HS6ST2: variants seen among roughly 807,000 people sequenced by gnomAD.
HS6ST2 encodes heparan-sulfate 6-O-sulfotransferase 2.
Under a neutral mutation model 33.0 loss-of-function variants are expected in HS6ST2, and 17 were observed. The observed-to-expected ratio is 0.52, with a 90% CI of 0.35 to 0.77. The LOEUF (loss-of-function observed/expected upper bound fraction) is 0.77, where lower values mean the gene tolerates loss of function less well. HS6ST2 is among the 30% of genes least tolerant of loss of function. The pLI is 0.01. For missense variants in HS6ST2, 519 were observed against 551.7 expected (o/e 0.94, Z 0.59); for synonymous variants, 248 against 237.1 (o/e 1.05, Z -0.42).
intron 4 of HS6ST2, among the ~76,000 whole-genome samples, chrX:132,637,799 ATAT>A (rs1394174416): frequency 1.8e-4 from 8 of 44,703 alleles, no homozygotes; most frequent in Admixed American, 9.6e-4. Flanking sequence ...TATATATATA[ATAT>A]TATATATTAT....
chrX:132,860,110 G>C lies in HS6ST2; in HGVS notation c.947+96698C>G, dbSNP rs142623149. 1.9e-3 allele frequency among the ~76,000 whole-genome samples: 213 copies of C among 111,712 alleles called. 1 individual carries two copies. Among genetic ancestry groups the C allele is most frequent in the African/African-American group, 6.4e-3 (197 of 30,787 alleles). ...CTGTATCAGGCATCTGCGCATGTGT[G>C]GGGGACACGGTGGGTAATTTGTTGA... On this transcript the variant is annotated intron_variant, in intron 2 of 4. Transcript: ENST00000370833.
At chrX:132,929,075 T>C (rs972733964) in intron 2 of HS6ST2, among the ~76,000 whole-genome samples, 2 of 110,289 alleles carry the variant, frequency 1.8e-5, no homozygotes, top group Non-Finnish European at 3.8e-5. Flanking sequence ...GATAAAAATA[T>C]ATGGACTTTG....
intron 4 of HS6ST2, among the ~76,000 whole-genome samples, chrX:132,652,653 A>G (rs1000571362): frequency 4.5e-5 from 5 of 111,705 alleles, no homozygotes; most frequent in African/African-American, 1.6e-4. Context: ...TTCATTTAAT[A>G]CAAAGATTAT....
chrX:132,888,759 C>T (rs2066277309), intron 2 of HS6ST2, among the ~76,000 whole-genome samples: 1 of 111,303 alleles, frequency 9.0e-6, no homozygotes, highest in African/African-American at 3.3e-5. Flanking sequence ...CCTCCTTGGC[C>T]TCCCAAAGCG....
chrX:132,811,300 AC>A (rs1274464151), intron 2 of HS6ST2, among the ~76,000 whole-genome samples: 14 of 110,030 alleles, frequency 1.3e-4, no homozygotes, highest in Non-Finnish European at 1.9e-4. Flanking sequence ...AACCCAGGAG[AC>A]CCCAGTCAAG....
chrX:132,768,606 C>A (rs1339488527), intron 2 of HS6ST2, among the ~76,000 whole-genome samples: 1 of 112,215 alleles, frequency 8.9e-6, no homozygotes, highest in Non-Finnish European at 1.9e-5. Context: ...AGCAACTGAG[C>A]TATGCAAAAT....
At chrX:132,844,999 T>C (rs985032078) in intron 2 of HS6ST2, among the ~76,000 whole-genome samples, 9 of 108,945 alleles carry the variant, frequency 8.3e-5, no homozygotes, top group Middle Eastern at 4.9e-3. Context: ...TAAAATAGAA[T>C]ATTCTGGGTG....
intron 2 of HS6ST2, among the ~76,000 whole-genome samples, chrX:132,920,599 A>T (rs1295083065): frequency 8.9e-6 from 1 of 112,659 alleles, no homozygotes; most frequent in African/African-American, 3.2e-5. Flanking sequence ...ATTTTGATTT[A>T]AAAGAAAAAA....
intron 2 of HS6ST2, among the ~76,000 whole-genome samples, chrX:132,833,822 GGTTA>G (rs922332574): frequency 4.6e-5 from 5 of 108,958 alleles, no homozygotes; most frequent in African/African-American, 1.7e-4. Context: ...ACAATGTGCA[GGTTA>G]GTTACATATG....
chrX:132,831,888 A>C (rs758810437), intron 2 of HS6ST2, among the ~76,000 whole-genome samples: 2 of 112,120 alleles, frequency 1.8e-5, no homozygotes, highest in Non-Finnish European at 3.8e-5. Context: ...GTGGTCCATA[A>C]ATATGATCGC....
chrX:132,638,957 T>A (rs1418723696), intron 4 of HS6ST2, among the ~76,000 whole-genome samples: 1 of 112,479 alleles, frequency 8.9e-6, no homozygotes, highest in Non-Finnish European at 1.9e-5. Context: ...TTCCTCTGAT[T>A]AACTAAAAGT....
chrX:132,777,457 G>A (rs1044356715), intron 2 of HS6ST2, among the ~76,000 whole-genome samples: 1 of 110,294 alleles, frequency 9.1e-6, no homozygotes, highest in African/African-American at 3.3e-5. Flanking sequence ...TTGAGACAGA[G>A]TCTCACTCTG....
chrX:132,719,011 G>A (rs774462097), intron 2 of HS6ST2, among the ~76,000 whole-genome samples: 2 of 111,614 alleles, frequency 1.8e-5, no homozygotes, highest in South Asian at 7.6e-4. Flanking sequence ...ACCAAGGGGG[G>A]GAAGAAACTG....
chrX:132,700,730 G>A (rs1392015781), intron 3 of HS6ST2, among the ~76,000 whole-genome samples: 1 of 110,962 alleles, frequency 9.0e-6, no homozygotes, highest in Non-Finnish European at 1.9e-5. Flanking sequence ...TCTTCAGATG[G>A]AGAATGGGCT....
chrX:132,837,595 T>C (rs775952475), intron 2 of HS6ST2, among the ~76,000 whole-genome samples: 9 of 111,710 alleles, frequency 8.1e-5, no homozygotes, highest in Non-Finnish European at 1.7e-4. Context: ...CAGGTTCCTG[T>C]GAAACAGTCC....
intron 2 of HS6ST2, among the ~76,000 whole-genome samples, chrX:132,722,711 T>C (rs1173064629): frequency 9.0e-6 from 1 of 110,772 alleles, no homozygotes; most frequent in East Asian, 2.8e-4. Context: ...GTATTTTCCA[T>C]TAGGTTTAGG....
At position 132,958,608 on chromosome X, in the gene HS6ST2, C is replaced by A. The variant is rs769440655; in HGVS notation, c.-6G>T. The A allele has an allele frequency of 6.0e-6, 7 of 1,159,989 alleles. No individual in the cohort carries two copies. The highest frequency in any genetic ancestry group is 8.1e-6 in the Non-Finnish European group (7 of 868,227). Reference sequence around the variant, plus strand: ...GCACACGCAGGCAGTGCCATTCCCCCCTTCAGGCAACTCAGGGTACTAAGG... The same window carrying A: ...GCACACGCAGGCAGTGCCATTCCCCACTTCAGGCAACTCAGGGTACTAAGG... On this transcript the variant is annotated 5_prime_UTR_variant, in exon 1 of 5. Transcript: ENST00000370833.
At chrX:132,801,295 C>CA (rs201463158) in intron 2 of HS6ST2, among the ~76,000 whole-genome samples, 309 of 103,492 alleles carry the variant, frequency 3.0e-3, no homozygotes, top group Non-Finnish European at 4.2e-3. Flanking sequence ...GACTCTGTCT[C>CA]AAAAAAAAAA....
intron 2 of HS6ST2, among the ~76,000 whole-genome samples, chrX:132,887,581 C>T (rs2066265254): frequency 8.9e-6 from 1 of 112,190 alleles, no homozygotes; most frequent in Non-Finnish European, 1.9e-5. Flanking sequence ...CACTTTAAAA[C>T]ATTCTTTGGC....
Sources: allele counts gnomAD v4.1 joint callset (sites outside exome capture counted in the v4.1 genomes callset), GRCh38; gene constraint gnomAD v4.1.1; transcripts MANE v1.5; gene names NCBI Gene and HGNC (gene_info 2026-07-23, HGNC 2026-07-21).